FAM184A: variants seen among roughly 807,000 people sequenced by gnomAD.
FAM184A encodes the protein protein FAM184A.
FAM184A carries 99 observed loss-of-function variants against 143.8 expected under a neutral mutation model. The observed-to-expected ratio is 0.69, with a 90% CI of 0.58 to 0.81. FAM184A has a LOEUF of 0.81. Ranked by LOEUF, FAM184A falls within the 40% of genes least tolerant of loss-of-function variation. FAM184A has a pLI of 0.00. For missense variants in FAM184A, 1,217 were observed against 1,310.5 expected (o/e 0.93, Z 1.10); for synonymous variants, 427 against 446.4 (o/e 0.96, Z 0.55).
chr6:119,048,627 A>T (rs1228039102), intron 1 of FAM184A, among the ~76,000 whole-genome samples: 1 of 152,234 alleles, frequency 6.6e-6, no homozygotes, highest in Non-Finnish European at 1.5e-5. Flanking sequence ...AATTCCGTTC[A>T]CAATTGCCAC....
In FAM184A at chr6:119,123,165, A is replaced by C. The variant is rs1452588803; in HGVS notation, c.-202+25913T>G. Among the ~76,000 whole-genome samples, 5 of 151,946 alleles carry C rather than the reference A, an allele frequency of 3.3e-5. No homozygotes were observed. The East Asian group carries it at 9.7e-4, about 30-fold the overall frequency. ...CACTTTGGGAAGTGGAGGTGGGCAG[A>C]TCACTTGAGGTCAGAAATTTTGAGA... On this transcript the variant is annotated intron_variant, in intron 1 of 16. Transcript: ENST00000352896.
chr6:119,085,870 AAGAG>A (rs1562144562), intron 1 of FAM184A, among the ~76,000 whole-genome samples: 2 of 152,298 alleles, frequency 1.3e-5, no homozygotes, highest in Admixed American at 6.5e-5. Context: ...GAGCAGGAGA[AAGAG>A]AGAGTGGGGG....
At position 118,964,645 on chromosome 6, in the gene FAM184A, CTACAGTGTT is replaced by C. The variant is rs748760593; in HGVS notation, c.3138+13_3138+21del. On this transcript the variant is annotated intron_variant, in intron 16 of 17. Coordinates refer to ENST00000338891, the MANE Select transcript of FAM184A (RefSeq NM_024581.6). ...CCAACTTTTAAACCACATTCCTATT[CTACAGTGTT>C]TACGGCACATACCTTAGCCAATGGA... is the stretch of plus-strand genomic sequence containing the variant. 7.4e-7 allele frequency: 1 copy of C among 1,343,590 alleles called. No homozygotes were observed. Among genetic ancestry groups the C allele is most frequent in the Non-Finnish European group, 1.1e-6 (1 of 949,504 alleles). 83.2% of individuals were successfully genotyped at this position (1,343,590 alleles called of 1,614,324 possible).
chr6:119,003,126 T>G, intron 8 of FAM184A, 77 bp from the exon 9 acceptor site: 1 of 1,285,878 alleles, frequency 7.8e-7, no homozygotes, highest in Non-Finnish European at 1.1e-6. Flanking sequence ...TACAGGTTTT[T>G]TAAGCGCTTA....
intron 1 of FAM184A, among the ~76,000 whole-genome samples, chr6:119,099,842 C>T (rs1788596683): frequency 6.6e-6 from 1 of 152,094 alleles, no homozygotes; most frequent in African/African-American, 2.4e-5. Context: ...CCTTTGCAGT[C>T]TCCTTTGTAA....
intron 1 of FAM184A, among the ~76,000 whole-genome samples, chr6:119,052,036 TC>T (rs1786789403): frequency 6.6e-6 from 1 of 152,144 alleles, no homozygotes; most frequent in Non-Finnish European, 1.5e-5. Flanking sequence ...TCCCTGAACA[TC>T]TCCTGAGGTA....
chr6:119,027,483 A>G (rs1177921534), intron 1 of FAM184A, among the ~76,000 whole-genome samples: 4 of 152,222 alleles, frequency 2.6e-5, no homozygotes, highest in Non-Finnish European at 2.9e-5. Context: ...GGATCATTGG[A>G]CACAGTGAAA....
chr6:118,984,539 C>T (rs1784130728), intron 9 of FAM184A, among the ~76,000 whole-genome samples: 1 of 152,096 alleles, frequency 6.6e-6, no homozygotes. Context: ...TGTGGAAGAA[C>T]TCTCTCAAAA....
At chr6:119,068,022 T>C (rs1254458876) in intron 1 of FAM184A, among the ~76,000 whole-genome samples, 6 of 144,712 alleles carry the variant, frequency 4.1e-5, no homozygotes, top group East Asian at 2.1e-4. Flanking sequence ...TATAAAAACC[T>C]ACTTTATTGT....
At position 119,106,676 on chromosome 6, in the gene FAM184A, G is replaced by A. The variant is rs78147940; in HGVS notation, c.-202+42402C>T. On this transcript the variant is annotated intron_variant, in intron 1 of 16. Transcript: ENST00000352896. ...GAAACTAATTAACTGGAAGGGCTTC[G>A]GTAAATTACTTAATCTTTTTGTGCC... 3.1e-3 allele frequency among the ~76,000 whole-genome samples: 466 copies of A among 152,232 alleles called. 6 individuals carry two copies. Among genetic ancestry groups the A allele is most frequent in the African/African-American group, 0.011 (445 of 41,536 alleles).
At chr6:119,128,604 G>T (rs1789437968) in intron 1 of FAM184A, among the ~76,000 whole-genome samples, 1 of 151,928 alleles carries the variant, frequency 6.6e-6, no homozygotes, top group South Asian at 2.1e-4. Context: ...GTCTAGAGAG[G>T]GAGGGAATAA....
intron 14 of FAM184A, 52 bp from the exon 15 acceptor site, chr6:118,967,004 T>C (rs1310799967): frequency 2.4e-6 from 2 of 830,674 alleles, no homozygotes; most frequent in Non-Finnish European, 3.8e-6. Flanking sequence ...TACATTCTTC[T>C]GTAATACCTA....
intron 1 of FAM184A, among the ~76,000 whole-genome samples, chr6:119,054,688 T>C (rs1465314759): frequency 6.6e-6 from 1 of 152,154 alleles, no homozygotes. Context: ...ATTTGATATG[T>C]ATGCATTTAT....
Position 119,024,794 on chromosome 6 carries a change from G to C in FAM184A, c.179C>G (p.Thr60Ser), listed in dbSNP as rs1481848533. Reference protein sequence around the residue: ...QLTKVIYALNTKNDEHESAIQ... With the variant: ...QLTKVIYALNSKNDEHESAIQ... ...TGCAGATTCATGCTCATCATTTTTA[G>C]TGTTTAAAGCATATATTACCTGCAT... The change falls in exon 2 of 18, where the codon ACT becomes AGT. Residue 60 changes from threonine to serine, a missense_variant. Physicochemically the swap from Thr to Ser is moderately conservative, Grantham distance 58. Transcript: ENST00000338891. 1 of 1,608,670 alleles carries C rather than the reference G, an allele frequency of 6.2e-7. No homozygotes were observed. Among genetic ancestry groups the C allele is most frequent in the Non-Finnish European group, 8.5e-7 (1 of 1,178,610 alleles).
At chr6:119,061,588 G>A (rs1398892432) in intron 1 of FAM184A, among the ~76,000 whole-genome samples, 3 of 115,760 alleles carry the variant, frequency 2.6e-5, no homozygotes, top group Non-Finnish European at 4.9e-5. Flanking sequence ...ACGTTGCCCA[G>A]ACTGGTGTTG....
chr6:119,055,036 G>A (rs1786907760), intron 1 of FAM184A, among the ~76,000 whole-genome samples: 1 of 152,048 alleles, frequency 6.6e-6, no homozygotes, highest in African/African-American at 2.4e-5. Flanking sequence ...ACAGCCATCA[G>A]CATTTCTTCC....
intron 1 of FAM184A, among the ~76,000 whole-genome samples, chr6:119,062,148 T>C (rs1193578825): frequency 2.0e-5 from 3 of 152,320 alleles, no homozygotes; most frequent in Middle Eastern, 3.4e-3. Context: ...TACTTACAAA[T>C]GTATAACTTT....
At chr6:119,123,000 T>C (rs1219134623) in intron 1 of FAM184A, among the ~76,000 whole-genome samples, 1 of 122,244 alleles carries the variant, frequency 8.2e-6, no homozygotes, top group African/African-American at 3.3e-5. Flanking sequence ...TTCAGTCCTC[T>C]AATGTCACAA....
intron 1 of FAM184A, among the ~76,000 whole-genome samples, chr6:119,134,749 G>A (rs1364668446): frequency 6.6e-6 from 1 of 152,038 alleles, no homozygotes; most frequent in Non-Finnish European, 1.5e-5. Flanking sequence ...AGATCACATG[G>A]GAAAAACTCA....
Sources: gnomAD v4.1 joint callset for allele counts (sites outside exome capture counted in the v4.1 genomes callset) on GRCh38, gnomAD v4.1.1 for gene constraint, MANE v1.5 for transcripts, NCBI Gene and HGNC (gene_info 2026-07-23, HGNC 2026-07-21) for gene names.